Variants in ZNF804A observed in about 807,000 individuals in gnomAD.
The protein encoded by ZNF804A is zinc finger protein 804A.
Under a neutral mutation model 16.5 loss-of-function variants are expected in ZNF804A, and 2 were observed. The observed-to-expected ratio is 0.12, with a 90% CI of 0.05 to 0.38. The LOEUF (loss-of-function observed/expected upper bound fraction) is 0.38, where lower values mean the gene tolerates loss of function less well. ZNF804A is among the 10% of genes least tolerant of loss of function. ZNF804A has a pLI of 0.99. For missense variants in ZNF804A, 1,473 were observed against 1,390.7 expected (o/e 1.06, Z -0.94); for synonymous variants, 534 against 489.6 (o/e 1.09, Z -1.20).
chr2:184,831,979 A>G (rs1695267865), intron 1 of ZNF804A, among the ~76,000 whole-genome samples: 1 of 152,032 alleles, frequency 6.6e-6, no homozygotes, highest in Non-Finnish European at 1.5e-5. Context: ...CTCTTACCAT[A>G]TATAGAAAAT....
intron 1 of ZNF804A, among the ~76,000 whole-genome samples, chr2:184,663,227 A>G (rs1211511715): frequency 6.6e-6 from 1 of 152,160 alleles, no homozygotes; most frequent in East Asian, 1.9e-4. Flanking sequence ...ATACCCTCAC[A>G]GGCTTGGAAG....
intron 1 of ZNF804A, among the ~76,000 whole-genome samples, chr2:184,699,852 T>C (rs1692892129): frequency 6.6e-6 from 1 of 152,048 alleles, no homozygotes. Flanking sequence ...ATGAAAACAC[T>C]GGAGTTGGAG....
chr2:184,725,989 A>C (rs1356618952), intron 1 of ZNF804A, among the ~76,000 whole-genome samples: 1 of 151,684 alleles, frequency 6.6e-6, no homozygotes, highest in Non-Finnish European at 1.5e-5. Context: ...GCAAAGTAAT[A>C]TTTTATGGTA....
chr2:184,887,082 C>A (rs948612544), intron 2 of ZNF804A, among the ~76,000 whole-genome samples: 1 of 152,198 alleles, frequency 6.6e-6, no homozygotes, highest in Non-Finnish European at 1.5e-5. Flanking sequence ...ATGCCTTTAA[C>A]AGCATCCAAA....
At chr2:184,850,276 A>G (rs1695582613) in intron 1 of ZNF804A, among the ~76,000 whole-genome samples, 1 of 151,954 alleles carries the variant, frequency 6.6e-6, no homozygotes, top group African/African-American at 2.4e-5. Flanking sequence ...TGGATACTCC[A>G]ATGACCCTGA....
intron 1 of ZNF804A, among the ~76,000 whole-genome samples, chr2:184,735,597 A>T (rs537497716): frequency 6.6e-6 from 1 of 152,232 alleles, no homozygotes; most frequent in Non-Finnish European, 1.5e-5. Flanking sequence ...TAACTTTAAA[A>T]ATAAATAAAT....
intron 1 of ZNF804A, among the ~76,000 whole-genome samples, chr2:184,861,604 A>G (rs954322599): frequency 2.0e-5 from 3 of 152,206 alleles, no homozygotes; most frequent in Non-Finnish European, 4.4e-5. Context: ...AAACAGGTAC[A>G]AATTCTTTCC....
At chr2:184,743,171 G>T (rs1221710397) in intron 1 of ZNF804A, among the ~76,000 whole-genome samples, 1 of 151,944 alleles carries the variant, frequency 6.6e-6, no homozygotes, top group East Asian at 1.9e-4. Flanking sequence ...GAGATCGCCA[G>T]ACTGAAATCC....
intron 2 of ZNF804A, among the ~76,000 whole-genome samples, chr2:184,868,092 G>A (rs571607625): frequency 3.8e-4 from 58 of 152,118 alleles, no homozygotes; most frequent in African/African-American, 1.4e-3. Context: ...AAGGGAATTT[G>A]GGTTGGATCT....
chr2:184,777,462 T>A (rs1694306240), intron 1 of ZNF804A, among the ~76,000 whole-genome samples: 1 of 151,514 alleles, frequency 6.6e-6, no homozygotes, highest in Non-Finnish European at 1.5e-5. Context: ...TACGAGGAAG[T>A]ATCTGAACTG....
At chr2:184,758,334 A>C (rs768302861) in intron 1 of ZNF804A, among the ~76,000 whole-genome samples, 1 of 151,886 alleles carries the variant, frequency 6.6e-6, no homozygotes, top group African/African-American at 2.4e-5. Flanking sequence ...ATATACAATT[A>C]GTTTATGAAA....
At chr2:184,659,681 C>G (rs1348979898) in intron 1 of ZNF804A, among the ~76,000 whole-genome samples, 1 of 151,886 alleles carries the variant, frequency 6.6e-6, no homozygotes, top group Admixed American at 6.6e-5. Context: ...ATGGCTGACC[C>G]CAAAAGCCAT....
At chr2:184,859,824 G>A (rs369156141) in intron 1 of ZNF804A, among the ~76,000 whole-genome samples, 9 of 152,350 alleles carry the variant, frequency 5.9e-5, no homozygotes, top group African/African-American at 2.2e-4. Context: ...GGAATCTAAA[G>A]TCGAGTTGTC....
intron 1 of ZNF804A, among the ~76,000 whole-genome samples, chr2:184,771,889 C>T (rs979451481): frequency 5.3e-5 from 8 of 151,894 alleles, no homozygotes; most frequent in Non-Finnish European, 7.4e-5. Context: ...AGCGATATAA[C>T]ATAATGTAAT....
At chr2:184,659,761 T>G (rs907050779) in intron 1 of ZNF804A, among the ~76,000 whole-genome samples, 1 of 152,120 alleles carries the variant, frequency 6.6e-6, no homozygotes, top group Non-Finnish European at 1.5e-5. Context: ...AAGTATTAAC[T>G]CCTTTCGGAG....
At chr2:184,869,401 A>G (rs1599875) in intron 2 of ZNF804A, among the ~76,000 whole-genome samples, 9,375 of 152,040 alleles carry the variant, frequency 0.062, 991 homozygotes, top group African/African-American at 0.21. Context: ...CCAAGGGCCA[A>G]TAAGTGAATA....
At chr2:184,629,548 G>C (rs1043855432) in intron 1 of ZNF804A, among the ~76,000 whole-genome samples, 2 of 152,006 alleles carry the variant, frequency 1.3e-5, no homozygotes, top group African/African-American at 4.8e-5. Context: ...GCAAATAATA[G>C]AAAATAGTTA....
chr2:184,668,209 T>G (rs1692281420), intron 1 of ZNF804A, among the ~76,000 whole-genome samples: 1 of 151,884 alleles, frequency 6.6e-6, no homozygotes, highest in Non-Finnish European at 1.5e-5. Flanking sequence ...ATGTGATGTT[T>G]TGATCTATGT....
At chr2:184,609,091 G>A (rs1326305461) in intron 1 of ZNF804A, among the ~76,000 whole-genome samples, 2 of 152,186 alleles carry the variant, frequency 1.3e-5, no homozygotes, top group Non-Finnish European at 2.9e-5. Context: ...TCAGAAAAGA[G>A]GATGTAACCT....
Sources: gnomAD v4.1 joint callset for allele counts (sites outside exome capture counted in the v4.1 genomes callset) on GRCh38, gnomAD v4.1.1 for gene constraint, MANE v1.5 for transcripts, NCBI Gene and HGNC (gene_info 2026-07-23, HGNC 2026-07-21) for gene names.